RGS4: variants seen among roughly 807,000 people sequenced by gnomAD.
RGS4 encodes regulator of G protein signaling 4.
In RGS4, 15 loss-of-function variants were observed where a neutral mutation model predicts 21.6. The observed-to-expected ratio is 0.69, with a 90% CI of 0.46 to 1.07. The LOEUF (loss-of-function observed/expected upper bound fraction) is 1.07, where lower values mean the gene tolerates loss of function less well. Among genes scored for constraint, RGS4 ranks in the 50% least tolerant of loss-of-function variants. RGS4 has a pLI of 0.00. For synonymous variants in RGS4, 94 were observed against 85.5 expected, an observed-to-expected ratio of 1.10 and a Z score of -0.55; for missense variants, 237 against 239.0, an observed-to-expected ratio of 0.99 and a Z score of 0.06.
Position 163,076,619 on chromosome 1 carries a change from A to T in RGS4, c.*2059A>T, listed in dbSNP as rs770318984. The T allele has an allele frequency of 2.6e-5, 4 of 152,296 alleles. No individual in the cohort carries two copies. Among genetic ancestry groups the T allele is most frequent in the Non-Finnish European group, 5.9e-5 (4 of 68,000 alleles). 9.4% of individuals were successfully genotyped at this position (152,296 alleles called of 1,614,324 possible). A position where few individuals can be genotyped will look rare whatever the true frequency, so the allele number is the denominator to read the frequency against. ...ATTTTTGAGTGTGTTTTTCAGTTGT[A>T]TTTCCCTGTTATTTCATCACTATTT... On this transcript the variant is annotated 3_prime_UTR_variant, in exon 5 of 5. Transcript: ENST00000367909.
intron 1 of RGS4, chr1:163,072,018 C>T: frequency 4.0e-6 from 4 of 993,244 alleles, no homozygotes; most frequent in Non-Finnish European, 4.8e-6. Context: ...GCCGCTACTG[C>T]TTTCTGATTC....
chr1:163,073,534 A>G lies in RGS4; in HGVS notation c.290A>G (p.Glu97Gly), dbSNP rs942465434. The change falls in exon 4 of 5, where the codon GAG (glutamate) becomes GGG (glycine). Residue 97 changes from glutamate (E) to glycine (G), a missense_variant. Glu to Gly is a moderately conservative substitution (Grantham distance 98, BLOSUM62 -2). Coordinates refer to ENST00000367909, the MANE Select transcript of RGS4 (RefSeq NM_005613.6). ...ENIDFWISCEEYKKIKSPSKL... is the reference protein window; with the variant it reads ...ENIDFWISCEGYKKIKSPSKL... ...ATTGACTTCTGGATCAGCTGTGAAG[A>G]GTACAAGAAAATCAAATCACCATCT... 1.2e-6 allele frequency: 2 copies of G among 1,611,876 alleles called. No individual in the cohort carries two copies. The highest frequency in any genetic ancestry group is 3.4e-5 in the Admixed American group (2 of 59,592).
chr1:163,074,047 T>G (rs1655416023), intron 4 of RGS4: 2 of 487,084 alleles, frequency 4.1e-6, no homozygotes, highest in Admixed American at 3.7e-5. Context: ...TCCATGTGGC[T>G]TACCATAACC....
chr1:163,069,046 A>T, upstream of RGS4: 2 of 1,557,004 alleles, frequency 1.3e-6, no homozygotes, highest in Non-Finnish European at 1.7e-6. Context: ...AACTTCCTTG[A>T]TATTTTTTTT....
chr1:163,071,255 A>G (rs1438988799), intron 1 of RGS4, among the ~76,000 whole-genome samples: 4 of 152,134 alleles, frequency 2.6e-5, no homozygotes. Context: ...CTTGCGAGGA[A>G]GAGAAAATAC....
rs374759383 is a variant in RGS4, at chr1:163,074,439, G to T, written c.497G>T (p.Arg166Leu). 1 of 1,613,762 alleles carries T rather than the reference G, an allele frequency of 6.2e-7. No individual in the cohort carries two copies. Among genetic ancestry groups the T allele is most frequent in the Non-Finnish European group, 8.5e-7 (1 of 1,179,842 alleles). The change falls in exon 5 of 5, where the codon CGC becomes CTC. Residue 166 changes from arginine to leucine, a missense_variant. Physicochemically the swap from Arg to Leu is moderately radical, Grantham distance 102 (BLOSUM62 -2). Coordinates refer to ENST00000367909, the MANE Select transcript of RGS4 (RefSeq NM_005613.6). The stretch of plus-strand genomic sequence containing the variant: ...AACCTGATGGAGAAGGATTCCTACC[G>T]CCGCTTCCTCAAGTCTCGATTCTAT... ...IFNLMEKDSY[R>L]RFLKSRFYLD... is the part of the protein sequence containing the mutation.
At chr1:163,069,357 C>G, upstream of RGS4, 1 of 1,558,710 alleles carries the variant, frequency 6.4e-7, no homozygotes, top group African/African-American at 1.4e-5. Context: ...ACAGGCTTAG[C>G]AGGAAGACGC....
intron 1 of RGS4, chr1:163,072,127 C>G: frequency 8.7e-7 from 1 of 1,154,706 alleles, no homozygotes; most frequent in African/African-American, 1.6e-5. Context: ...CATATAAAGG[C>G]TTCTCAGGTT....
chr1:163,073,998 C>G, intron 4 of RGS4: 1 of 391,066 alleles, frequency 2.6e-6, no homozygotes, highest in Non-Finnish European at 4.6e-6. Context: ...ATAATCTTGA[C>G]AACCCCAAAT....
Position 163,072,453 on chromosome 1 carries a change from C to T in RGS4, c.103C>T (p.His35Tyr). Residue 35 changes from histidine to tyrosine, a missense_variant, in exon 2 of 5, where the codon CAC (histidine) becomes TAC (tyrosine). Coordinates refer to ENST00000367909, the MANE Select transcript of RGS4 (RefSeq NM_005613.6). The stretch of plus-strand genomic sequence containing the variant: ...GCTGCAAAAATCTGATTCCTGTGAA[C>T]ACAATTCTTCCCACAACAAGAAGGA... ...FLLQKSDSCE[H>Y]NSSHNKKDKV... The T allele has an allele frequency of 6.2e-7, 1 of 1,613,212 alleles. No individual in the cohort carries two copies.
chr1:163,072,078 T>G (rs1655335268), intron 1 of RGS4: 25 of 1,050,090 alleles, frequency 2.4e-5, no homozygotes, highest in Non-Finnish European at 2.9e-5. Flanking sequence ...CAGGTTCTGT[T>G]GAAGATACCA....
At chr1:163,069,723 T>C (rs1313737423) in intron 1 of RGS4, among the ~76,000 whole-genome samples, 195 bp downstream of exon 1, 2 of 152,132 alleles carry the variant, frequency 1.3e-5, no homozygotes, top group East Asian at 3.9e-4. Context: ...TCAGCCCTTA[T>C]GTGTTGTTTT....
At position 163,073,533 on chromosome 1, in the gene RGS4, G is replaced by A. The variant is rs1245462406; in HGVS notation, c.289G>A (p.Glu97Lys). 1.2e-6 allele frequency: 2 copies of A among 1,611,686 alleles called. No individual in the cohort carries two copies. Among genetic ancestry groups the A allele is most frequent in the African/African-American group, 2.7e-5 (2 of 74,770 alleles). ...TATTGACTTCTGGATCAGCTGTGAA[G>A]AGTACAAGAAAATCAAATCACCATC... is the stretch of plus-strand genomic sequence containing the variant. ...ENIDFWISCE[E>K]YKKIKSPSKL... Residue 97 changes from glutamate to lysine, a missense_variant, in exon 4 of 5, where the codon GAG becomes AAG. Coordinates refer to ENST00000367909, the MANE Select transcript of RGS4 (RefSeq NM_005613.6).
At position 163,074,503 on chromosome 1, in the gene RGS4, G is replaced by T. The variant is rs201846465; in HGVS notation, c.561G>T (p.Lys187Asn). The change falls in exon 5 of 5, where the codon AAG becomes AAT. Residue 187 changes from lysine (K) to asparagine (N), a missense_variant. Coordinates refer to ENST00000367909, the MANE Select transcript of RGS4 (RefSeq NM_005613.6). Reference protein sequence around the residue: ...LVNPSSCGAEKQKGAKSSADC... With the variant: ...LVNPSSCGAENQKGAKSSADC... ...ACCCGTCCAGCTGTGGGGCAGAAAA[G>T]CAGAAAGGAGCCAAGAGTTCAGCAG... is the stretch of plus-strand genomic sequence containing the variant. The T allele has an allele frequency of 6.2e-7, 1 of 1,613,962 alleles. No homozygotes were observed. Among genetic ancestry groups the T allele is most frequent in the South Asian group, 1.1e-5 (1 of 91,084 alleles).
rs1655227205 is a variant in RGS4 at position 163,069,401 on chromosome 1, G to A, written c.-84G>A. On this transcript the variant is annotated 5_prime_UTR_variant, in exon 1 of 5. Transcript: ENST00000367909. ...TTCTGACAATATCTTTACCGGAGAA[G>A]AGGCAAAGTACGCTCAAAGCCGAAG... 2 of 1,601,936 alleles carry A rather than the reference G, an allele frequency of 1.2e-6. No homozygotes were observed. The highest frequency in any genetic ancestry group is 1.7e-6 in the Non-Finnish European group (2 of 1,173,484).
chr1:163,073,331 C>A, intron 3 of RGS4, 125 bp from the exon 4 acceptor site: 2 of 759,792 alleles, frequency 2.6e-6, no homozygotes, highest in Non-Finnish European at 4.1e-6. Context: ...TTGAAAAAAG[C>A]AGGGGAAAAA....
At chr1:163,070,841 C>T (rs1389433764) in intron 1 of RGS4, 1 of 152,106 alleles carries the variant, frequency 6.6e-6, no homozygotes, top group East Asian at 1.9e-4. Flanking sequence ...CTTTCCTCCT[C>T]AATAAATTGC....
intron 2 of RGS4, 132 bp from the exon 3 acceptor site, chr1:163,072,673 C>A: frequency 1.2e-6 from 1 of 850,324 alleles, no homozygotes; most frequent in Non-Finnish European, 1.9e-6. Context: ...TGAAAAACTG[C>A]CCTCATCAAT....
chr1:163,072,897 C>A, intron 3 of RGS4, 31 bp downstream of exon 3: 1 of 1,582,820 alleles, frequency 6.3e-7, no homozygotes, highest in South Asian at 1.1e-5. Context: ...GGATGAGGTA[C>A]TCTGGATAAG....
Sources: gnomAD v4.1 joint callset for allele counts (sites outside exome capture counted in the v4.1 genomes callset) on GRCh38, gnomAD v4.1.1 for gene constraint, MANE v1.5 for transcripts, NCBI Gene and HGNC (gene_info 2026-07-23, HGNC 2026-07-21) for gene names.